The following EHMT1 variants were observed in gnomAD, a reference collection of about 807,000 sequenced individuals.
EHMT1 encodes the protein histone-lysine N-methyltransferase EHMT1.
EHMT1 carries 15 observed loss-of-function variants against 147.2 expected under a neutral mutation model. The observed-to-expected ratio is 0.10, with a 90% confidence interval of 0.07 to 0.16. The LOEUF is 0.16. Among genes scored for constraint, EHMT1 ranks in the 10% least tolerant of loss-of-function variants. The pLI, the probability that EHMT1 is intolerant of heterozygous loss-of-function variation, is 1.00. For missense variants in EHMT1, 1,587 were observed against 1,772.4 expected, an observed-to-expected ratio of 0.90 and a Z score of 1.88; for synonymous variants, 795 against 709.6, an observed-to-expected ratio of 1.12 and a Z score of -1.91.
chr9:137,815,615 C>T (rs766534855), intron 22 of EHMT1: 2 of 391,390 alleles, frequency 5.1e-6, no homozygotes, highest in Non-Finnish European at 9.7e-6. Context: ...CTGAAGAAAG[C>T]AGAGCAACCC....
chr9:137,662,148 G>GTA (rs970909733), intron 1 of EHMT1, among the ~76,000 whole-genome samples: 3 of 152,230 alleles, frequency 2.0e-5, no homozygotes, highest in Admixed American at 6.5e-5. Flanking sequence ...TCTGCTGATA[G>GTA]TATATATATA....
chr9:137,771,717 C>A (rs1390226885), intron 10 of EHMT1, among the ~76,000 whole-genome samples: 2 of 152,200 alleles, frequency 1.3e-5, no homozygotes, highest in African/African-American at 4.8e-5. Context: ...TACAGCAGTG[C>A]TGTTCCCACC....
chr9:137,656,665 T>C (rs1938482934), intron 1 of EHMT1, among the ~76,000 whole-genome samples: 1 of 151,562 alleles, frequency 6.6e-6, no homozygotes, highest in South Asian at 2.1e-4. Context: ...GCAGGGGGCA[T>C]GAGTCCAAGG....
At position 137,680,705 on chromosome 9, in the gene EHMT1, C is replaced by G. The variant is rs375042001; in HGVS notation, c.22-30262C>G. Among the ~76,000 whole-genome samples the G allele has an allele frequency of 1.4e-3, 220 of 152,360 alleles. 7 individuals carry two copies. The South Asian group carries it at 0.044, about 31-fold the overall frequency. On this transcript the variant is annotated intron_variant, in intron 1 of 26. Transcript: ENST00000460843. The stretch of plus-strand genomic sequence containing the variant: ...TAGATACTGCAGTCTTCCAGAGAGG[C>G]CTCAGTGTGGGGGGATGCAAAGAAG...
At chr9:137,625,715 A>G (rs1589025759) in intron 1 of EHMT1, among the ~76,000 whole-genome samples, 6 of 151,460 alleles carry the variant, frequency 4.0e-5, no homozygotes, top group Admixed American at 4.0e-4. Flanking sequence ...TCCTGTATTT[A>G]GTTTTCTGAT....
rs1030125161 is a variant in EHMT1, at chr9:137,731,978, G to A, written c.823+3449G>A. Among the ~76,000 whole-genome samples, 22 of 152,164 alleles carry A rather than the reference G, an allele frequency of 1.4e-4. No homozygotes were observed. The highest frequency in any genetic ancestry group is 1.3e-3 in the Admixed American group (20 of 15,278). On this transcript the variant is annotated intron_variant, in intron 4 of 26. Coordinates refer to ENST00000460843, the MANE Select transcript of EHMT1 (RefSeq NM_024757.5). This position sits in a 1 kb window ranked among gnomAD's most constrained non-coding sequence, Gnocchi z 4.3. ...GGAACACGGTGGTGCCCCAAAACTC[G>A]GAGTCACCAGCAACTGCAGAGCCCC...
At chr9:137,667,174 A>G (rs1427825590) in intron 1 of EHMT1, 1 of 152,236 alleles carries the variant, frequency 6.6e-6, no homozygotes, top group African/African-American at 2.4e-5. Context: ...GATGCTGTGC[A>G]CTGGAAATTG....
chr9:137,678,877 G>C lies in EHMT1; in HGVS notation c.22-32090G>C, dbSNP rs192366187. 2.0e-5 allele frequency among the ~76,000 whole-genome samples: 3 copies of C among 152,258 alleles called. No individual in the cohort carries two copies. The East Asian group carries it at 5.8e-4, about 29-fold the overall frequency. On this transcript the variant is annotated intron_variant, in intron 1 of 26. Coordinates refer to ENST00000460843, the MANE Select transcript of EHMT1 (RefSeq NM_024757.5). ...ACTCACATCCAGGGCAGGACTGATG[G>C]TGCAGTGCCAGAGTTAGCATGCTAC...
intron 4 of EHMT1, among the ~76,000 whole-genome samples, chr9:137,735,513 A>G (rs981884256): frequency 6.6e-6 from 1 of 152,254 alleles, no homozygotes; most frequent in Admixed American, 6.5e-5. Flanking sequence ...TACGTGTAGC[A>G]AACATAGCAA....
intron 15 of EHMT1, chr9:137,788,874 T>A (rs1952247369): frequency 1.3e-5 from 2 of 152,250 alleles, no homozygotes; most frequent in South Asian, 4.1e-4. Context: ...GGGGAGCGCG[T>A]GGGAGGTGGG....
At chr9:137,647,070 C>T (rs765522057) in intron 1 of EHMT1, among the ~76,000 whole-genome samples, 4 of 152,212 alleles carry the variant, frequency 2.6e-5, no homozygotes, top group Non-Finnish European at 4.4e-5. Context: ...TAGTTGTCTC[C>T]GTTTGGCTTC....
In EHMT1 at chr9:137,811,631, C is replaced by T; in HGVS notation, c.2867+16C>T. On this transcript the variant is annotated intron_variant, in intron 19 of 26. Coordinates refer to ENST00000460843, the MANE Select transcript of EHMT1 (RefSeq NM_024757.5). ...ACTGTGTCGTGTGAGTGCAGTGCTT[C>T]CCCCAGCGCGGGCTGGCGCTGACCT... 6.3e-7 allele frequency: 1 copy of T among 1,599,610 alleles called. No homozygotes were observed. Among genetic ancestry groups the T allele is most frequent in the Non-Finnish European group, 8.5e-7 (1 of 1,179,890 alleles).
At chr9:137,701,482 C>T (rs2135171569) in intron 1 of EHMT1, among the ~76,000 whole-genome samples, 1 of 151,560 alleles carries the variant, frequency 6.6e-6, no homozygotes, top group African/African-American at 2.4e-5. Context: ...TTTTGACGTG[C>T]AGTTTTGCTC....
At chr9:137,672,044 C>T (rs1184427124) in intron 1 of EHMT1, among the ~76,000 whole-genome samples, 2 of 152,166 alleles carry the variant, frequency 1.3e-5, no homozygotes, top group East Asian at 1.9e-4. Flanking sequence ...TCCAGGGCTC[C>T]GGCTACATAC....
chr9:137,688,374 T>C (rs1002745379), intron 1 of EHMT1, among the ~76,000 whole-genome samples: 2 of 152,218 alleles, frequency 1.3e-5, no homozygotes, highest in Non-Finnish European at 2.9e-5. Context: ...GTAGTTTATA[T>C]AAACTCGGTT....
chr9:137,798,967 C>A, intron 17 of EHMT1, 53 bp downstream of exon 17: 1 of 1,430,100 alleles, frequency 7.0e-7, no homozygotes, highest in Non-Finnish European at 9.9e-7. Flanking sequence ...GCTACGGAAA[C>A]TCACTGTTCT....
intron 16 of EHMT1, among the ~76,000 whole-genome samples, chr9:137,797,219 A>G (rs1043577052): frequency 1.3e-5 from 2 of 152,086 alleles, no homozygotes; most frequent in African/African-American, 4.8e-5. Flanking sequence ...TGCAGACCTC[A>G]CAGCTAGCTG....
At chr9:137,726,672 C>T (rs1946663859) in intron 3 of EHMT1, among the ~76,000 whole-genome samples, 1 of 152,190 alleles carries the variant, frequency 6.6e-6, no homozygotes, top group Non-Finnish European at 1.5e-5. Context: ...GGTAGTTCCA[C>T]ACTTAGCTTT....
In EHMT1 at chr9:137,834,376, C is replaced by T; in HGVS notation, c.3568C>T (p.Arg1190Trp). 1.9e-6 allele frequency: 3 copies of T among 1,613,218 alleles called. No individual in the cohort carries two copies. The highest frequency in any genetic ancestry group is 1.7e-6 in the Non-Finnish European group (2 of 1,179,796). ...CGGGGAGGTTTACTGCATCGACGCG[C>T]GGTTCTACGGGAACGTCAGCCGGTT... ...KDGEVYCIDARFYGNVSRFIN... is the reference protein window; with the variant it reads ...KDGEVYCIDAWFYGNVSRFIN... Residue 1190 changes from arginine to tryptophan, a missense_variant, in exon 26 of 27, where the codon CGG becomes TGG. Coordinates refer to ENST00000460843, the MANE Select transcript of EHMT1 (RefSeq NM_024757.5).
Sources: allele counts gnomAD v4.1 joint callset (sites outside exome capture counted in the v4.1 genomes callset), GRCh38; gene constraint gnomAD v4.1.1; non-coding constraint Gnocchi (gnomAD v3.1); transcripts MANE v1.5; gene names NCBI Gene and HGNC (gene_info 2026-07-23, HGNC 2026-07-21).